Variants in MAP2 observed in about 807,000 individuals in gnomAD.
The protein encoded by MAP2 is microtubule-associated protein 2.
In MAP2, 14 loss-of-function variants were observed where a neutral mutation model predicts 137.6. That is an observed-to-expected ratio of 0.10 (90% CI 0.07 to 0.16). The LOEUF (loss-of-function observed/expected upper bound fraction) is 0.16. MAP2 is among the 10% of genes least tolerant of loss of function. The pLI is 1.00. For missense variants in MAP2, 2,088 were observed against 2,191.5 expected (o/e 0.95, Z 0.94); for synonymous variants, 786 against 782.3 (o/e 1.00, Z -0.08).
intron 2 of MAP2, among the ~76,000 whole-genome samples, chr2:209,574,990 G>A (rs1402085879): frequency 6.6e-6 from 1 of 152,024 alleles, no homozygotes; most frequent in Non-Finnish European, 1.5e-5. Flanking sequence ...AAATATTTTG[G>A]CCATGAGGCA....
At chr2:209,612,212 G>T (rs565659251) in intron 3 of MAP2, among the ~76,000 whole-genome samples, 1 of 152,222 alleles carries the variant, frequency 6.6e-6, no homozygotes, top group South Asian at 2.1e-4. Context: ...ACCTTTACTA[G>T]AAAAGAGCTC....
chr2:209,583,107 C>G (rs1339689660), intron 3 of MAP2, among the ~76,000 whole-genome samples: 1 of 150,384 alleles, frequency 6.6e-6, no homozygotes, highest in Non-Finnish European at 1.5e-5. Flanking sequence ...AAGTATAAAT[C>G]AAAATATCTC....
chr2:209,690,857 T>C, intron 7 of MAP2: 1 of 1,267,418 alleles, frequency 7.9e-7, no homozygotes, highest in Non-Finnish European at 1.0e-6. Flanking sequence ...AGGTGTGTCT[T>C]TCTCAGGATT....
chr2:209,481,292 G>A (rs771399560), intron 1 of MAP2, among the ~76,000 whole-genome samples: 7 of 152,304 alleles, frequency 4.6e-5, no homozygotes, highest in Admixed American at 2.6e-4. Context: ...CTCCTATTGG[G>A]TGAAGATGGT....
chr2:209,530,366 G>T (rs901155525), intron 2 of MAP2, among the ~76,000 whole-genome samples: 15 of 152,114 alleles, frequency 9.9e-5, no homozygotes, highest in African/African-American at 3.6e-4. Flanking sequence ...AACATTTGAG[G>T]ATTCTTTTAC....
chr2:209,481,990 T>C (rs1441167709), intron 1 of MAP2, among the ~76,000 whole-genome samples: 3 of 152,184 alleles, frequency 2.0e-5, no homozygotes, highest in Non-Finnish European at 2.9e-5. Context: ...TATTCCTATG[T>C]GTATGTATAC....
At chr2:209,669,396 T>C (rs1213249214) in intron 5 of MAP2, among the ~76,000 whole-genome samples, 1 of 152,042 alleles carries the variant, frequency 6.6e-6, no homozygotes, top group Non-Finnish European at 1.5e-5. Context: ...CTAAGTTATG[T>C]TGGGGATGAG....
In MAP2 at chr2:209,695,050, G is replaced by T. The variant is rs1307045376; in HGVS notation, c.2880G>T (p.Leu960Phe). 1 of 1,614,086 alleles carries T rather than the reference G, an allele frequency of 6.2e-7. No individual in the cohort carries two copies. The highest frequency in any genetic ancestry group is 8.5e-7 in the Non-Finnish European group (1 of 1,180,022). ...AAGAGAAGAAAGCTAATGATAGGTT[G>T]GATACTGTACTAGAAAAGAGTGAAG... Reference protein sequence around the residue: ...FDQEKKANDRLDTVLEKSEEH... With the variant: ...FDQEKKANDRFDTVLEKSEEH... The change falls in exon 8 of 16, where the codon TTG becomes TTT. Residue 960 changes from leucine to phenylalanine, a missense_variant. Coordinates refer to ENST00000682079, the MANE Select transcript of MAP2 (RefSeq NM_001375505.1).
intron 11 of MAP2, among the ~76,000 whole-genome samples, chr2:209,700,764 A>G (rs2061546450): frequency 6.6e-6 from 1 of 152,208 alleles, no homozygotes; most frequent in Admixed American, 6.5e-5. Context: ...GTAGAAATCA[A>G]TTATAATCCT....
At chr2:209,471,739 C>G (rs1159155946) in intron 1 of MAP2, among the ~76,000 whole-genome samples, 1 of 147,374 alleles carries the variant, frequency 6.8e-6, no homozygotes, top group Non-Finnish European at 1.5e-5. Flanking sequence ...ATGTTATTAC[C>G]TTAAAAATAT....
chr2:209,677,726 A>G (rs1179519866), intron 5 of MAP2, among the ~76,000 whole-genome samples: 3 of 152,026 alleles, frequency 2.0e-5, no homozygotes, highest in Admixed American at 6.6e-5. Flanking sequence ...GTTATTTGGT[A>G]TCTCACAGAC....
At chr2:209,633,535 A>T (rs2093295529) in intron 4 of MAP2, among the ~76,000 whole-genome samples, 1 of 152,192 alleles carries the variant, frequency 6.6e-6, no homozygotes, top group Non-Finnish European at 1.5e-5. Context: ...AGTACGTGAT[A>T]AGTAAATGGA....
chr2:209,662,448 C>G (rs2044095720), intron 5 of MAP2, among the ~76,000 whole-genome samples: 1 of 152,098 alleles, frequency 6.6e-6, no homozygotes, highest in Non-Finnish European at 1.5e-5. Context: ...ACAATTCAGA[C>G]CTATTTATGA....
intron 2 of MAP2, among the ~76,000 whole-genome samples, chr2:209,538,943 A>G (rs1397646362): frequency 6.6e-6 from 1 of 152,214 alleles, no homozygotes; most frequent in Non-Finnish European, 1.5e-5. Flanking sequence ...TTTAGAATCT[A>G]GTACAGATTA....
In MAP2 at chr2:209,694,929, C is replaced by T. The variant is rs759417945; in HGVS notation, c.2759C>T (p.Ala920Val). The T allele has an allele frequency of 8.1e-6, 13 of 1,614,146 alleles. No homozygotes were observed. The highest frequency in any genetic ancestry group is 1.3e-5 in the African/African-American group (1 of 75,056). ...CTTTCACTGATTGAAGTGAAACTGG[C>T]AGCAGCCGGAAGAGTCAAAGATGAG... ...TDLSLIEVKL[A>V]AAGRVKDEFS... The change falls in exon 8 of 16, where the codon GCA becomes GTA. Residue 920 changes from alanine (A) to valine (V), a missense_variant. Ala to Val is a moderately conservative substitution (Grantham distance 64, BLOSUM62 0). This residue lies in a region of MAP2 where 500 missense variants were observed against 482.9 expected (regional missense o/e 1.04). Coordinates refer to ENST00000682079, the MANE Select transcript of MAP2 (RefSeq NM_001375505.1).
At chr2:209,529,836 A>C (rs954043468) in intron 2 of MAP2, among the ~76,000 whole-genome samples, 12 of 152,136 alleles carry the variant, frequency 7.9e-5, no homozygotes, top group Non-Finnish European at 1.3e-4. Flanking sequence ...TCACGTCTTG[A>C]CTGCTGAAGT....
intron 1 of MAP2, among the ~76,000 whole-genome samples, chr2:209,425,470 T>A (rs1692301772): frequency 6.6e-6 from 1 of 152,198 alleles, no homozygotes; most frequent in African/African-American, 2.4e-5. Context: ...GTGAATAAAA[T>A]CTGTAGTGCA....
intron 13 of MAP2, among the ~76,000 whole-genome samples, chr2:209,716,810 A>G (rs1055552298): frequency 2.6e-5 from 4 of 152,220 alleles, no homozygotes; most frequent in South Asian, 2.1e-4. Flanking sequence ...TTTCATTTAA[A>G]TAGACTCTTA....
intron 1 of MAP2, among the ~76,000 whole-genome samples, chr2:209,473,076 C>T (rs1212218907): frequency 6.6e-6 from 1 of 152,080 alleles, no homozygotes; most frequent in Non-Finnish European, 1.5e-5. Context: ...GACTTCATAC[C>T]CTTCTTAAAG....
Sources: gnomAD v4.1 joint callset for allele counts (sites outside exome capture counted in the v4.1 genomes callset) on GRCh38, gnomAD v4.1.1 for gene constraint, gnomAD v4.1.1 regional missense constraint, MANE v1.5 for transcripts, NCBI Gene and HGNC (gene_info 2026-07-23, HGNC 2026-07-21) for gene names.